The following MAST2 variants were observed in gnomAD, a reference collection of about 807,000 sequenced individuals.
MAST2 encodes the protein microtubule associated serine/threonine kinase 2.
A neutral mutation model predicts 147.4 loss-of-function variants in MAST2; 70 were observed. That is an observed-to-expected ratio of 0.47 (90% CI 0.39 to 0.58). The LOEUF (loss-of-function observed/expected upper bound fraction) is 0.58, where lower values mean the gene tolerates loss of function less well. Ranked by LOEUF, MAST2 falls within the 20% of genes least tolerant of loss-of-function variation. The probability of loss-of-function intolerance (pLI) is 0.00; values close to 1 mark genes in which losing one functional copy is unlikely to be tolerated. For synonymous variants in MAST2, 869 were observed against 896.8 expected, an observed-to-expected ratio of 0.97 and a Z score of 0.55; for missense variants, 2,080 against 2,302.3, an observed-to-expected ratio of 0.90 and a Z score of 1.98.
At chr1:45,863,447 T>G (rs1344533488) in intron 3 of MAST2, among the ~76,000 whole-genome samples, 1 of 152,200 alleles carries the variant, frequency 6.6e-6, no homozygotes, top group African/African-American at 2.4e-5. Flanking sequence ...GAAATGTGGA[T>G]TTATTAGCTC....
chr1:46,030,270 C>G, intron 21 of MAST2, 32 bp downstream of exon 21: 1 of 1,599,166 alleles, frequency 6.3e-7, no homozygotes, highest in South Asian at 1.1e-5. Context: ...ATGGGCAGAA[C>G]AGGCTGGAGG....
chr1:45,822,762 A>G (rs1030385001), intron 1 of MAST2, among the ~76,000 whole-genome samples: 8 of 151,606 alleles, frequency 5.3e-5, no homozygotes, highest in Non-Finnish European at 8.8e-5. Flanking sequence ...TGAGTGGCCA[A>G]CCCTCTTTAA....
intron 1 of MAST2, among the ~76,000 whole-genome samples, chr1:45,810,872 T>G (rs889942102): frequency 6.7e-6 from 1 of 149,604 alleles, no homozygotes; most frequent in African/African-American, 2.4e-5. Flanking sequence ...TTTTTTTTTT[T>G]GAGGCAGTCT....
At chr1:45,995,863 G>A (rs1645035032) in intron 5 of MAST2, among the ~76,000 whole-genome samples, 1 of 152,180 alleles carries the variant, frequency 6.6e-6, no homozygotes, top group South Asian at 2.1e-4. Context: ...GGGTACCATT[G>A]CCATGGGCCT....
chr1:45,836,680 A>G (rs770168168), intron 3 of MAST2, among the ~76,000 whole-genome samples: 2 of 152,168 alleles, frequency 1.3e-5, no homozygotes, highest in Non-Finnish European at 2.9e-5. Context: ...TCTATATGTC[A>G]GTTGGCTTTA....
Position 46,033,874 on chromosome 1 carries a change from G to C in MAST2, c.3610G>C (p.Gly1204Arg). 1 of 1,614,178 alleles carries C rather than the reference G, an allele frequency of 6.2e-7. No homozygotes were observed. The highest frequency in any genetic ancestry group is 1.1e-5 in the South Asian group (1 of 91,074). ...CATTAAAGTGGGGCCAGCTCGGAAG[G>C]GCAGCTACAAGGCCAAGATGGCCCG... ...TSIKVGPARKGSYKAKMARRS... is the reference protein window; with the variant it reads ...TSIKVGPARKRSYKAKMARRS... Residue 1204 changes from glycine (G) to arginine (R), a missense_variant, in exon 27 of 29, where the codon GGC (glycine) becomes CGC (arginine). Gly to Arg is a moderately radical substitution (Grantham distance 125, BLOSUM62 -2). Around this residue, in one of 4 missense-constraint regions of MAST2, gnomAD observed 1,278 missense variants for 1,304.2 expected, o/e 0.98. Coordinates refer to ENST00000361297, the MANE Select transcript of MAST2 (RefSeq NM_015112.3).
chr1:45,948,130 A>C (rs1658357770), intron 4 of MAST2, among the ~76,000 whole-genome samples: 1 of 152,228 alleles, frequency 6.6e-6, no homozygotes, highest in African/African-American at 2.4e-5. Context: ...GAGAGAGCCA[A>C]ATCAGGAAGG....
intron 1 of MAST2, among the ~76,000 whole-genome samples, chr1:45,821,517 T>TC (rs1333491256): frequency 1.0e-4 from 1 of 9,724 alleles, no homozygotes; most frequent in East Asian, 0.021. Flanking sequence ...TATTTCTTCT[T>TC]TTTTTTTTTT....
chr1:45,883,095 A>T (rs780567777), intron 4 of MAST2, among the ~76,000 whole-genome samples: 2 of 152,142 alleles, frequency 1.3e-5, no homozygotes, highest in Non-Finnish European at 2.9e-5. Flanking sequence ...TATACCTAAA[A>T]CATACTCATA....
chr1:46,034,818 C>T lies in MAST2; in HGVS notation c.4149C>T (p.Pro1383=). Residue 1383 remains proline (P), a synonymous_variant, in exon 29 of 29, where the codon CCC becomes CCT. Transcript: ENST00000361297. ...CCACAAAGCTTCACTTGTCACCTCCCCTGGGCAGGCAACTCTCACGGCCCA... is the reference window on the plus strand; with the variant it reads ...CCACAAAGCTTCACTTGTCACCTCCTCTGGGCAGGCAACTCTCACGGCCCA... ...AFPTKLHLSP[P]LGRQLSRPKS... The T allele has an allele frequency of 2.5e-6, 4 of 1,614,208 alleles. No homozygotes were observed. The highest frequency in any genetic ancestry group is 3.4e-6 in the Non-Finnish European group (4 of 1,180,034).
At chr1:45,989,291 T>C (rs1644768557) in intron 5 of MAST2, among the ~76,000 whole-genome samples, 1 of 152,164 alleles carries the variant, frequency 6.6e-6, no homozygotes, top group South Asian at 2.1e-4. Flanking sequence ...ACACATAAAC[T>C]ACTCAGTTCC....
intron 10 of MAST2, among the ~76,000 whole-genome samples, chr1:46,015,833 G>A (rs1350521123): frequency 1.3e-5 from 2 of 152,168 alleles, no homozygotes; most frequent in Non-Finnish European, 2.9e-5. Flanking sequence ...TATGATGCCA[G>A]CATCATCCTG....
intron 1 of MAST2, 138 bp from the exon 2 acceptor site, chr1:45,824,295 G>A (rs1213697835): frequency 3.9e-6 from 2 of 511,728 alleles, no homozygotes; most frequent in African/African-American, 1.9e-5. Flanking sequence ...TATGTTTCTG[G>A]TTTTAGCTAT....
chr1:45,867,003 G>A (rs1394350658), intron 3 of MAST2, among the ~76,000 whole-genome samples: 2 of 151,984 alleles, frequency 1.3e-5, no homozygotes, highest in African/African-American at 2.4e-5. Flanking sequence ...CACCCGCCTC[G>A]GCCTCCCAAT....
chr1:45,989,911 C>T (rs1557434616), intron 5 of MAST2, among the ~76,000 whole-genome samples: 1 of 152,168 alleles, frequency 6.6e-6, no homozygotes, highest in African/African-American at 2.4e-5. Flanking sequence ...AGGTGGATAG[C>T]TTGTTTATTT....
At chr1:45,821,885 C>CTTTTTTTTTTTTTTTTTTTTTTT (rs71587723) in intron 1 of MAST2, among the ~76,000 whole-genome samples, 1 of 100,848 alleles carries the variant, frequency 9.9e-6, no homozygotes, top group African/African-American at 4.1e-5. Context: ...TCACCTTCAC[C>CTTTTTTTTTTTTTTTTTTTTTTT]TTTTTTTTTT....
intron 3 of MAST2, among the ~76,000 whole-genome samples, chr1:45,856,294 T>G (rs1264901505): frequency 2.6e-5 from 4 of 152,188 alleles, no homozygotes; most frequent in Non-Finnish European, 4.4e-5. Context: ...ATCCCGTATC[T>G]AAAAATAATA....
rs1553239188 is a variant in MAST2 at position 45,939,989 on chromosome 1, T to TTTGTTTTTTTTTGTTTTTTTTG, written c.501-19395_501-19394insGTTTTTTTTTGTTTTTTTTGTT. 6.1e-4 allele frequency among the ~76,000 whole-genome samples: 79 copies of TTTGTTTTTTTTTGTTTTTTTTG among 128,924 alleles called. 1 individual carries two copies. Among genetic ancestry groups the TTTGTTTTTTTTTGTTTTTTTTG allele is most frequent in the Non-Finnish European group, 1.0e-3 (62 of 62,182 alleles). The allele number at this position is 128,924 out of a possible 152,430, so 84.6% of individuals were successfully genotyped here. ...TCTCTATTTATTTAGGGTTTTTTTT[T>TTTGTTTTTTTTTGTTTTTTTTG]TTTTTTTTTTTTGAGATGGAGTTTC... On this transcript the variant is annotated intron_variant, in intron 4 of 28. Transcript: ENST00000361297.
chr1:45,922,990 G>T (rs1478819537), intron 4 of MAST2, among the ~76,000 whole-genome samples: 4 of 152,164 alleles, frequency 2.6e-5, no homozygotes, highest in African/African-American at 9.7e-5. Context: ...TGCTGTACTT[G>T]CTGCTGTGGG....
Sources: gnomAD v4.1 joint callset for allele counts (sites outside exome capture counted in the v4.1 genomes callset) on GRCh38, gnomAD v4.1.1 for gene constraint, gnomAD v4.1.1 regional missense constraint, MANE v1.5 for transcripts, NCBI Gene and HGNC (gene_info 2026-07-23, HGNC 2026-07-21) for gene names.